The following CEP170B variants were observed in gnomAD, a reference collection of about 807,000 sequenced individuals.
The protein encoded by CEP170B is centrosomal protein of 170 kDa protein B.
CEP170B carries 55 observed loss-of-function variants against 120.6 expected under a neutral mutation model. The observed-to-expected ratio is 0.46, with a 90% CI of 0.37 to 0.57. The LOEUF (loss-of-function observed/expected upper bound fraction) is 0.57. CEP170B is among the 20% of genes least tolerant of loss of function. CEP170B has a pLI of 0.00. For missense variants in CEP170B, 2,212 were observed against 2,253.3 expected (o/e 0.98, Z 0.37); for synonymous variants, 1,033 against 954.5 (o/e 1.08, Z -1.52).
At chr14:104,884,990 G>A (rs1271264712) in intron 9 of CEP170B, among the ~76,000 whole-genome samples, 2 of 132,756 alleles carry the variant, frequency 1.5e-5, no homozygotes, top group South Asian at 2.7e-4. Context: ...GAGAGCCCTC[G>A]TGGGGAATCG....
In CEP170B at chr14:104,886,386, AGAGCAGCAG is replaced by A. The variant is rs780748003; in HGVS notation, c.2151_2159del (p.Ser717_Arg719del). ...AGGGCTGACAGCCCTGCGGGCCCAG[AGAGCAGCAG>A]GAGGAGTGGGCCTGGGCCACCGGAG... On this transcript the variant is annotated inframe_deletion, in exon 12 of 19. Coordinates refer to ENST00000414716, the MANE Select transcript of CEP170B (RefSeq NM_001112726.3). 6.3e-7 allele frequency: 1 copy of A among 1,583,040 alleles called. No homozygotes were observed. Among genetic ancestry groups the A allele is most frequent in the South Asian group, 1.2e-5 (1 of 86,814 alleles).
chr14:104,884,902 G>A (rs1278982347), intron 9 of CEP170B, among the ~76,000 whole-genome samples: 20 of 40,152 alleles, frequency 5.0e-4, no homozygotes, highest in African/African-American at 1.6e-3. Context: ...GGAACGGGGG[G>A]TGGAGGTGAT....
At chr14:104,888,848 G>T (rs72700192) in intron 12 of CEP170B, among the ~76,000 whole-genome samples, 4,386 of 152,326 alleles carry the variant, frequency 0.029, 71 homozygotes, top group Middle Eastern at 0.085. Flanking sequence ...AGGGTTCGCT[G>T]GAGGAAGGGG....
At position 104,870,429 on chromosome 14, in the gene CEP170B, G is replaced by A. The variant is rs1407542387; in HGVS notation, c.105+1874G>A. Reference sequence around the variant, plus strand: ...TCATGGGGCCGCAGCTGTATTTGGCGGGTTGCTCCCATGGTCTGCGTACAG... The same window carrying A: ...TCATGGGGCCGCAGCTGTATTTGGCAGGTTGCTCCCATGGTCTGCGTACAG... On this transcript the variant is annotated intron_variant, in intron 2 of 18. Coordinates refer to ENST00000414716, the MANE Select transcript of CEP170B (RefSeq NM_001112726.3). The surrounding 1 kb of genome is among the most constrained non-coding windows in gnomAD (Gnocchi z 4.1). Among the ~76,000 whole-genome samples the A allele has an allele frequency of 6.6e-6, 1 of 152,184 alleles. No individual in the cohort carries two copies. Among genetic ancestry groups the A allele is most frequent in the African/African-American group, 2.4e-5 (1 of 41,444 alleles).
rs10145122 is a variant in CEP170B, at chr14:104,883,549, C to T, written c.1051+41C>T. On this transcript the variant is annotated intron_variant, in intron 8 of 18. Coordinates refer to ENST00000414716, the MANE Select transcript of CEP170B (RefSeq NM_001112726.3). The stretch of plus-strand genomic sequence containing the variant: ...GCGGCCGTGCCAGTCCCGGGACAGG[C>T]AGGGGACCGGACTTTGGCTGGGTCT... The T allele has an allele frequency of 0.62, 934,828 of 1,495,880 alleles. 297,919 individuals carry two copies. The highest frequency in any genetic ancestry group is 0.74 in the Middle Eastern group (3,331 of 4,530). The allele number at this position is 1,495,880 out of a possible 1,614,324, so 92.7% of individuals were successfully genotyped here.
chr14:104,885,405 G>T lies in CEP170B; in HGVS notation c.1807G>T (p.Ala603Ser). The T allele has an allele frequency of 6.4e-7, 1 of 1,569,772 alleles. No individual in the cohort carries two copies. Among genetic ancestry groups the T allele is most frequent in the Admixed American group, 1.9e-5 (1 of 53,598 alleles). Residue 603 changes from alanine to serine, a missense_variant, in exon 10 of 19, where the codon GCA (alanine) becomes TCA (serine). By Grantham distance (99) the Ala-to-Ser change is moderately conservative. This residue lies in a region of CEP170B where 2,166 missense variants were observed against 2,166.7 expected (regional missense o/e 1.00). Transcript: ENST00000414716. ...GTTGGAGTCCCCTGAACTCTCCAGGGCATCTTCGGCCACCTTTCGCCCAGT... is the reference window on the plus strand; with the variant it reads ...GTTGGAGTCCCCTGAACTCTCCAGGTCATCTTCGGCCACCTTTCGCCCAGT... ...GVLESPELSR[A>S]SSATFRPVIR...
intron 12 of CEP170B, among the ~76,000 whole-genome samples, chr14:104,888,235 C>T (rs1473001750): frequency 6.6e-6 from 1 of 152,220 alleles, no homozygotes; most frequent in African/African-American, 2.4e-5. Context: ...GGCCTTCCAT[C>T]CCCCAGGGTG....
chr14:104,885,227 C>A, intron 9 of CEP170B, 142 bp from the exon 10 acceptor site: 1 of 886,394 alleles, frequency 1.1e-6, no homozygotes, highest in Non-Finnish European at 1.7e-6. Context: ...TGCTGACAGC[C>A]AGGCTGCATG....
In CEP170B at chr14:104,895,422, T is replaced by C; in HGVS notation, c.*464T>C. The C allele has an allele frequency of 6.5e-6, 1 of 155,012 alleles. No homozygotes were observed. Among genetic ancestry groups the C allele is most frequent in the Non-Finnish European group, 1.4e-5 (1 of 69,768 alleles). 9.6% of individuals were successfully genotyped at this position (155,012 alleles called of 1,614,324 possible). On this transcript the variant is annotated 3_prime_UTR_variant, in exon 19 of 19. Transcript: ENST00000414716. ...GAAGAGAGGTCGACTGTGGGGTCAT[T>C]TGGTGCCAAACATGGAGGTGGGCAG...
rs1412124296 is a variant in CEP170B, at chr14:104,887,008, C to T, written c.2769C>T (p.Ala923=). 3.0e-5 allele frequency: 48 copies of T among 1,610,026 alleles called. No homozygotes were observed. Among genetic ancestry groups the T allele is most frequent in the Non-Finnish European group, 3.9e-5 (46 of 1,179,806 alleles). ...AGGAGACGGAGACGGCCCTGGCGGC[C>T]CTGGAGGCCCGACTCCTCTCTAATT... ...ILKETETALA[A]LEARLLSNSV... The change falls in exon 12 of 19, where the codon GCC becomes GCT. Residue 923 remains alanine, a synonymous_variant. Coordinates refer to ENST00000414716, the MANE Select transcript of CEP170B (RefSeq NM_001112726.3).
At chr14:104,886,244 C>A in intron 11 of CEP170B, 31 bp from the exon 12 acceptor site, 2 of 1,486,140 alleles carry the variant, frequency 1.3e-6, no homozygotes, top group East Asian at 2.4e-5. Flanking sequence ...AGACCAGCGG[C>A]CCTCTAACCG....
chr14:104,865,203 G>GGGGGC (rs1268849991), upstream of CEP170B: 2 of 144,594 alleles, frequency 1.4e-5, no homozygotes, highest in African/African-American at 5.0e-5. The surrounding 1 kb of genome is among the most constrained non-coding windows in gnomAD (Gnocchi z 6.7). Context: ...GCGGCCGGGC[G>GGGGGC]GGGGCGGGGC....
chr14:104,869,367 CCA>C (rs1895355359), intron 2 of CEP170B, among the ~76,000 whole-genome samples: 1 of 152,172 alleles, frequency 6.6e-6, no homozygotes, highest in African/African-American at 2.4e-5. Flanking sequence ...GCTGCCCTGC[CCA>C]CTCAGACGTT....
In CEP170B at chr14:104,872,402, C is replaced by CGT. The variant is rs1364114482; in HGVS notation, c.105+3849_105+3850dup. Among the ~76,000 whole-genome samples, 62 of 61,740 alleles carry CGT rather than the reference C, an allele frequency of 1.0e-3. 8 individuals carry two copies. The highest frequency in any genetic ancestry group is 2.7e-3 in the African/African-American group (55 of 20,666). The allele number at this position is 61,740 out of a possible 152,430, so 40.5% of individuals were successfully genotyped here. A position where few individuals can be genotyped will look rare whatever the true frequency, so the allele number is the denominator to read the frequency against. On this transcript the variant is annotated intron_variant, in intron 2 of 18. Transcript: ENST00000414716. The stretch of plus-strand genomic sequence containing the variant: ...GGTGTGCATGTGTGCCGTGGGTGTG[C>CGT]GTGGGTGTGCCGTGGGTGTGCCGTG...
In CEP170B at chr14:104,896,670, C is replaced by T; in HGVS notation, c.*1712C>T. 1 of 456,124 alleles carries T rather than the reference C, an allele frequency of 2.2e-6. No individual in the cohort carries two copies. Among genetic ancestry groups the T allele is most frequent in the Non-Finnish European group, 4.4e-6 (1 of 226,890 alleles). The allele number at this position is 456,124 out of a possible 1,614,324, so 28.3% of individuals were successfully genotyped here. A position where few individuals can be genotyped will look rare whatever the true frequency, so the allele number is the denominator to read the frequency against. On this transcript the variant is annotated 3_prime_UTR_variant, in exon 19 of 19. Coordinates refer to ENST00000414716, the MANE Select transcript of CEP170B (RefSeq NM_001112726.3). Reference sequence around the variant, plus strand: ...CATTCGTTCTCAGGTGGTCTTGTGGCTGTCTTTCGGAAAATGGTTATTTTA... The same window carrying T: ...CATTCGTTCTCAGGTGGTCTTGTGGTTGTCTTTCGGAAAATGGTTATTTTA...
At chr14:104,886,242 G>C in intron 11 of CEP170B, 33 bp from the exon 12 acceptor site, 1 of 1,485,722 alleles carries the variant, frequency 6.7e-7, no homozygotes, top group Non-Finnish European at 8.9e-7. Flanking sequence ...GCAGACCAGC[G>C]GCCCTCTAAC....
rs369195788 is a variant in CEP170B at position 104,887,319 on chromosome 14, G to T, written c.3080G>T (p.Arg1027Leu). The T allele has an allele frequency of 1.9e-6, 3 of 1,610,392 alleles. No individual in the cohort carries two copies. The highest frequency in any genetic ancestry group is 2.5e-6 in the Non-Finnish European group (3 of 1,179,238). The change falls in exon 12 of 19, where the codon CGG (arginine) becomes CTG (leucine). Residue 1027 changes from arginine (R) to leucine (L), a missense_variant. Transcript: ENST00000414716. ...PTDMGRGEPV[R>L]RSAIRRGHRP... is the part of the protein sequence containing the mutation. Reference sequence around the variant, plus strand: ...GACATGGGCCGTGGAGAGCCGGTACGGCGCTCAGCCATAAGGCGTGGCCAC... The same window carrying T: ...GACATGGGCCGTGGAGAGCCGGTACTGCGCTCAGCCATAAGGCGTGGCCAC...
chr14:104,879,270 AG>A (rs1461369558), intron 5 of CEP170B, among the ~76,000 whole-genome samples: 1 of 151,968 alleles, frequency 6.6e-6, no homozygotes, highest in Non-Finnish European at 1.5e-5. Flanking sequence ...TCTACGTGTT[AG>A]AGGATTTGGC....
rs1896425524 is a variant in CEP170B, at chr14:104,885,470, G to A, written c.1872G>A (p.Val624=). Residue 624 remains valine, a synonymous_variant, in exon 10 of 19, where the codon GTG becomes GTA. Coordinates refer to ENST00000414716, the MANE Select transcript of CEP170B (RefSeq NM_001112726.3). ...GDRDESDDGG[V]AQRMALLQEF... is the part of the protein sequence containing the mutation. Reference sequence around the variant, plus strand: ...GAGATGAGTCTGATGACGGGGGCGTGGCCCAGCGGATGGCGCTACTGCAGG... The same window carrying A: ...GAGATGAGTCTGATGACGGGGGCGTAGCCCAGCGGATGGCGCTACTGCAGG... The A allele has an allele frequency of 6.4e-7, 1 of 1,562,608 alleles. No homozygotes were observed. The highest frequency in any genetic ancestry group is 8.7e-7 in the Non-Finnish European group (1 of 1,154,974).
Sources: gnomAD v4.1 joint callset for allele counts (sites outside exome capture counted in the v4.1 genomes callset) on GRCh38, gnomAD v4.1.1 for gene constraint, gnomAD v4.1.1 regional missense constraint, Gnocchi (gnomAD v3.1) non-coding constraint, MANE v1.5 for transcripts, NCBI Gene and HGNC (gene_info 2026-07-23, HGNC 2026-07-21) for gene names.